Variants in TCEA2 observed in about 807,000 individuals in gnomAD.
TCEA2 encodes transcription elongation factor A2.
Under a neutral mutation model 40.8 loss-of-function variants are expected in TCEA2, and 21 were observed. That is an observed-to-expected ratio of 0.51 (90% CI 0.36 to 0.74). The LOEUF (loss-of-function observed/expected upper bound fraction) is 0.74, where lower values mean the gene tolerates loss of function less well. TCEA2 is among the 30% of genes least tolerant of loss of function. The pLI, the probability that TCEA2 is intolerant of heterozygous loss-of-function variation, is 0.00. For missense variants in TCEA2, 326 were observed against 426.5 expected (o/e 0.76, Z 2.08); for synonymous variants, 165 against 162.7 (o/e 1.01, Z -0.11).
chr20:64,069,654 C>A (rs2059780683), intron 5 of TCEA2, 111 bp from the exon 6 acceptor site: 1 of 1,535,322 alleles, frequency 6.5e-7, no homozygotes, highest in Non-Finnish European at 8.8e-7. Flanking sequence ...GATCGTGGGC[C>A]TCTTGCAGGG....
chr20:64,060,253 C>G (rs752495216), upstream of TCEA2, among the ~76,000 whole-genome samples: 7 of 152,198 alleles, frequency 4.6e-5, no homozygotes, highest in African/African-American at 1.2e-4. Flanking sequence ...GTCTCCCCCC[C>G]ACCCCCAGCT....
In TCEA2 at chr20:64,072,289, C is replaced by A; in HGVS notation, c.*109C>A. ...GCGGCATGTCCTGCCCTCAACCTGC[C>A]TGCCTGGATTGCACCTTTCTGCCCT... On this transcript the variant is annotated 3_prime_UTR_variant, in exon 10 of 10. Transcript: ENST00000343484. 2 of 1,237,790 alleles carry A rather than the reference C, an allele frequency of 1.6e-6. No homozygotes were observed. The highest frequency in any genetic ancestry group is 1.1e-6 in the Non-Finnish European group (1 of 871,314). The allele number at this position is 1,237,790 out of a possible 1,614,324, so 76.7% of individuals were successfully genotyped here. A position where few individuals can be genotyped will look rare whatever the true frequency, so the allele number is the denominator to read the frequency against.
In TCEA2 at chr20:64,070,420, C is replaced by T. The variant is rs770113398; in HGVS notation, c.672+6C>T. On this transcript the variant is annotated splice_donor_region_variant and intron_variant, in intron 7 of 9. Transcript: ENST00000343484. Reference sequence around the variant, plus strand: ...TCGCTGTGATGACCTCAGAGGTGAGCCCCTGTTGGAGGGGCTGGAGGGCTG... The same window carrying T: ...TCGCTGTGATGACCTCAGAGGTGAGTCCCTGTTGGAGGGGCTGGAGGGCTG... 1.2e-6 allele frequency: 2 copies of T among 1,614,074 alleles called. No individual in the cohort carries two copies. Among genetic ancestry groups the T allele is most frequent in the South Asian group, 2.2e-5 (2 of 91,082 alleles).
At position 64,070,518 on chromosome 20, in the gene TCEA2, C is replaced by G. The variant is rs754698109; in HGVS notation, c.702C>G (p.Ile234Met). Residue 234 changes from isoleucine (I) to methionine (M), a missense_variant, in exon 8 of 10, where the codon ATC becomes ATG. Coordinates refer to ENST00000343484, the MANE Select transcript of TCEA2 (RefSeq NM_003195.6). The stretch of plus-strand genomic sequence containing the variant: ...TGGCCAGTGATGAGCTGAAGGAGAT[C>G]CGTAAGGCCATGACCAAGGAGGCCA... Reference protein sequence around the residue: ...EEMASDELKEIRKAMTKEAIR... With the variant: ...EEMASDELKEMRKAMTKEAIR... The G allele has an allele frequency of 1.2e-6, 2 of 1,613,856 alleles. No individual in the cohort carries two copies. The highest frequency in any genetic ancestry group is 2.2e-5 in the South Asian group (2 of 91,090).
chr20:64,069,885 G>A, intron 6 of TCEA2, 64 bp downstream of exon 6: 3 of 1,578,986 alleles, frequency 1.9e-6, no homozygotes, highest in Non-Finnish European at 2.6e-6. Context: ...GCCTGGCCTG[G>A]TGCCCTCTGG....
rs201060417 is a variant in TCEA2 at position 64,066,944 on chromosome 20, C to T, written c.165C>T (p.Ala55=). The T allele has an allele frequency of 2.3e-4, 369 of 1,614,102 alleles. 5 individuals carry two copies. In the South Asian group the frequency reaches 3.9e-3, roughly 17 times the overall value. The stretch of plus-strand genomic sequence containing the variant: ...CCCGAGTCGGGATGTCTGTCAACGC[C>T]CTTCGGAAGCAGAGCTCGGATGAGG... The part of the protein sequence containing the change: ...QSTRVGMSVN[A]LRKQSSDEEV... Residue 55 remains alanine, a synonymous_variant, in exon 3 of 10, where the codon GCC becomes GCT. Coordinates refer to ENST00000343484, the MANE Select transcript of TCEA2 (RefSeq NM_003195.6).
At chr20:64,061,732 T>C (rs555714421), upstream of TCEA2, among the ~76,000 whole-genome samples, 5 of 151,584 alleles carry the variant, frequency 3.3e-5, no homozygotes, top group Admixed American at 6.6e-5. Context: ...CTCTCTCTCT[T>C]TTTTTTTCTT....
chr20:64,060,893 G>A (rs921458360), upstream of TCEA2, among the ~76,000 whole-genome samples: 8 of 151,224 alleles, frequency 5.3e-5, no homozygotes, highest in African/African-American at 1.9e-4. Context: ...GGATTCAAGC[G>A]ATTCTCCTGC....
intron 9 of TCEA2, 106 bp from the exon 10 acceptor site, chr20:64,072,066 G>C: frequency 1.3e-6 from 2 of 1,595,362 alleles, no homozygotes; most frequent in East Asian, 4.5e-5. Flanking sequence ...TGGGAGTCTT[G>C]GGCATGGTGG....
At chr20:64,070,087 C>T (rs1367126626) in intron 6 of TCEA2, 173 bp from the exon 7 acceptor site, 4 of 1,024,684 alleles carry the variant, frequency 3.9e-6, no homozygotes, top group African/African-American at 1.6e-5. Context: ...GGGCCTGGGG[C>T]AGGCTTGGCC....
rs752787765 is a variant in TCEA2, at chr20:64,069,797, C to T, written c.493C>T (p.Arg165Cys). ...CGTGGCCATCGGTGCGGACTGCGAG[C>T]GCCTGTCGGCTCAGATCGAGGAATA... is the stretch of plus-strand genomic sequence containing the variant. Reference protein sequence around the residue: ...DHVAIGADCERLSAQIEECIF... With the variant: ...DHVAIGADCECLSAQIEECIF... Residue 165 changes from arginine to cysteine, a missense_variant, in exon 6 of 10, where the codon CGC becomes TGC. Coordinates refer to ENST00000343484, the MANE Select transcript of TCEA2 (RefSeq NM_003195.6). 31 of 1,613,738 alleles carry T rather than the reference C, an allele frequency of 1.9e-5. No individual in the cohort carries two copies. The highest frequency in any genetic ancestry group is 1.8e-4 in the East Asian group (8 of 44,900).
chr20:64,066,399 C>T lies in TCEA2; in HGVS notation c.73-77C>T, dbSNP rs1418176943. 2.6e-6 allele frequency: 4 copies of T among 1,542,260 alleles called. No homozygotes were observed. The African/African-American group carries it at 4.1e-5, about 16-fold the overall frequency. On this transcript the variant is annotated intron_variant, in intron 1 of 9. Transcript: ENST00000343484. ...CCAAATTGTCACTGCCTTGTGTTCT[C>T]CTCCAGTAGGCAGAAGGAGGTGATA...
At chr20:64,067,308 AACTGACAGC>A (rs2059718745) in intron 3 of TCEA2, among the ~76,000 whole-genome samples, 1 of 152,152 alleles carries the variant, frequency 6.6e-6, no homozygotes, top group Non-Finnish European at 1.5e-5. Flanking sequence ...CCAGGACTTG[AACTGACAGC>A]ACTGAGAGAC....
upstream of TCEA2, among the ~76,000 whole-genome samples, chr20:64,061,860 C>G (rs540527843): frequency 1.3e-5 from 2 of 152,060 alleles, no homozygotes; most frequent in African/African-American, 4.8e-5. Context: ...TCCCAAGTAG[C>G]TGAGATTACA....
chr20:64,071,429 C>G (rs944581887), intron 8 of TCEA2, among the ~76,000 whole-genome samples: 5 of 152,118 alleles, frequency 3.3e-5, no homozygotes, highest in Admixed American at 1.3e-4. Flanking sequence ...GCAAGGACAG[C>G]CTTTCCTTCC....
upstream of TCEA2, among the ~76,000 whole-genome samples, chr20:64,059,937 G>A (rs1393784382): frequency 2.0e-5 from 3 of 152,110 alleles, no homozygotes; most frequent in East Asian, 1.9e-4. Context: ...GGTGGGGAGC[G>A]GCCTCACTGC....
At chr20:64,060,883 G>A (rs967825419), upstream of TCEA2, among the ~76,000 whole-genome samples, 7 of 151,792 alleles carry the variant, frequency 4.6e-5, no homozygotes, top group African/African-American at 1.5e-4. Flanking sequence ...TCCGCCTCCC[G>A]GATTCAAGCG....
At chr20:64,072,052 C>A (rs1384644046) in intron 9 of TCEA2, 111 bp downstream of exon 9, 5 of 1,595,088 alleles carry the variant, frequency 3.1e-6, no homozygotes, top group Non-Finnish European at 4.3e-6. Context: ...CCCAACCAGC[C>A]TCCTGGGAGT....
At position 64,071,908 on chromosome 20, in the gene TCEA2, T is replaced by C. The variant is rs537949895; in HGVS notation, c.858T>C (p.Phe286=). 6.2e-7 allele frequency: 1 copy of C among 1,614,148 alleles called. No homozygotes were observed. The highest frequency in any genetic ancestry group is 1.3e-5 in the African/African-American group (1 of 75,076). The change falls in exon 9 of 10, where the codon TTT becomes TTC. Residue 286 remains phenylalanine (F), a synonymous_variant. Transcript: ENST00000343484. ...GCTCTGATGAGCCCATGACCACCTT[T>C]GTTGTCTGCAACGAGTGTGGAAACC... ...TRSSDEPMTT[F]VVCNECGNRW...
Sources: gnomAD v4.1 joint callset for allele counts (sites outside exome capture counted in the v4.1 genomes callset) on GRCh38, gnomAD v4.1.1 for gene constraint, MANE v1.5 for transcripts, NCBI Gene and HGNC (gene_info 2026-07-23, HGNC 2026-07-21) for gene names.